The following RAP1GDS1 variants were observed in gnomAD, a reference collection of about 807,000 sequenced individuals.
RAP1GDS1 encodes the protein RAP1, GTP-GDP dissociation stimulator 1.
In RAP1GDS1, 35 loss-of-function variants were observed where a neutral mutation model predicts 71.1. The ratio of observed to expected loss-of-function variants is 0.49; its 90% CI spans 0.38 to 0.65. The LOEUF is 0.65. Among genes scored for constraint, RAP1GDS1 ranks in the 30% least tolerant of loss-of-function variants. The probability of loss-of-function intolerance (pLI) is 0.00; values close to 1 mark genes in which losing one functional copy is unlikely to be tolerated. For missense variants in RAP1GDS1, 663 were observed against 706.1 expected (o/e 0.94, Z 0.69); for synonymous variants, 229 against 243.1 (o/e 0.94, Z 0.54).
intron 1 of RAP1GDS1, among the ~76,000 whole-genome samples, chr4:98,279,236 A>G (rs972062101): frequency 6.6e-6 from 1 of 151,858 alleles, no homozygotes; most frequent in African/African-American, 2.4e-5. Context: ...AAACAAACAA[A>G]CAAACAAACA....
At chr4:98,273,417 AT>A (rs986201541) in intron 1 of RAP1GDS1, among the ~76,000 whole-genome samples, 4 of 151,950 alleles carry the variant, frequency 2.6e-5, no homozygotes, top group Non-Finnish European at 4.4e-5. Context: ...AATGTCCATC[AT>A]TTTTTTTACT....
intron 6 of RAP1GDS1, among the ~76,000 whole-genome samples, chr4:98,395,375 A>G (rs1744371482): frequency 6.6e-6 from 1 of 152,198 alleles, no homozygotes; most frequent in African/African-American, 2.4e-5. Context: ...GTATAAAAGA[A>G]GTTTTTCTTA....
chr4:98,402,257 A>C (rs1214376407), intron 6 of RAP1GDS1, among the ~76,000 whole-genome samples: 3 of 152,202 alleles, frequency 2.0e-5, no homozygotes, highest in Non-Finnish European at 2.9e-5. Context: ...TTTTTAGTAG[A>C]GACAGAGTTT....
intron 1 of RAP1GDS1, among the ~76,000 whole-genome samples, chr4:98,288,969 A>C (rs1726484028): frequency 6.6e-6 from 1 of 152,190 alleles, no homozygotes. Flanking sequence ...ATAATACAGT[A>C]GTCCCCCTTT....
rs573327479 is a variant in RAP1GDS1, at chr4:98,324,499, C to T, written c.113-18640C>T. Among the ~76,000 whole-genome samples, 79 of 147,136 alleles carry T rather than the reference C, an allele frequency of 5.4e-4. 6 individuals carry two copies. The East Asian group carries it at 8.8e-3, about 16-fold the overall frequency. ...GCCAAAAGAACAAAGCTGGAGACATCACACTACCTGACTTCAAACTATACT... is the reference window on the plus strand; with the variant it reads ...GCCAAAAGAACAAAGCTGGAGACATTACACTACCTGACTTCAAACTATACT... On this transcript the variant is annotated intron_variant, in intron 2 of 14. Transcript: ENST00000408927.
intron 1 of RAP1GDS1, 129 bp from the exon 2 acceptor site, chr4:98,293,279 G>A: frequency 6.8e-6 from 4 of 588,894 alleles, no homozygotes. Flanking sequence ...TGCCATTTTG[G>A]AATGTACGTG....
intron 7 of RAP1GDS1, among the ~76,000 whole-genome samples, chr4:98,407,874 T>A (rs1008102894): frequency 1.3e-5 from 2 of 151,986 alleles, no homozygotes; most frequent in African/African-American, 4.8e-5. Flanking sequence ...TGTAAAGAGC[T>A]GAAATAAAAT....
At chr4:98,391,887 T>C (rs948537030) in intron 5 of RAP1GDS1, 65 bp from the exon 6 acceptor site, 8 of 1,420,590 alleles carry the variant, frequency 5.6e-6, no homozygotes, top group Non-Finnish European at 6.6e-6. Flanking sequence ...TGTTTTCTTC[T>C]TATAATGTTC....
chr4:98,313,068 CAAAAAAAAAAAAA>C (rs556945198), intron 2 of RAP1GDS1, among the ~76,000 whole-genome samples: 7 of 38,178 alleles, frequency 1.8e-4, no homozygotes, highest in African/African-American at 4.0e-4. Context: ...GACTCTGTCT[CAAAAAAAAAAAAA>C]AAAAAAAAAA....
chr4:98,315,358 G>C (rs1319858869), intron 2 of RAP1GDS1, among the ~76,000 whole-genome samples: 2 of 152,088 alleles, frequency 1.3e-5, no homozygotes, highest in African/African-American at 4.8e-5. Context: ...TTCCTTGGAT[G>C]ATCTCATCCA....
rs754588502 is a variant in RAP1GDS1 at position 98,442,079 on chromosome 4, G to A, written c.1786G>A (p.Ala596Thr). 6.2e-7 allele frequency: 1 copy of A among 1,613,844 alleles called. No homozygotes were observed. Among genetic ancestry groups the A allele is most frequent in the Non-Finnish European group, 8.5e-7 (1 of 1,179,980 alleles). The change falls in exon 15 of 15, where the codon GCC becomes ACC. Residue 596 changes from alanine (A) to threonine (T), a missense_variant. Ala to Thr is a moderately conservative substitution (Grantham distance 58). Transcript: ENST00000408927. ...SHENKSVAQQ[A>T]SLTEQRLTVE... ...TGAGAACAAAAGTGTTGCCCAGCAG[G>A]CCTCTCTCACAGAGCAGAGACTTAC... is the stretch of plus-strand genomic sequence containing the variant.
At chr4:98,284,048 C>G (rs1449633103) in intron 1 of RAP1GDS1, among the ~76,000 whole-genome samples, 1 of 152,056 alleles carries the variant, frequency 6.6e-6, no homozygotes, top group East Asian at 1.9e-4. Context: ...CCTGTACTTG[C>G]AGACACACGT....
At chr4:98,370,678 C>A (rs901081948) in intron 4 of RAP1GDS1, among the ~76,000 whole-genome samples, 1 of 151,890 alleles carries the variant, frequency 6.6e-6, no homozygotes, top group Non-Finnish European at 1.5e-5. Flanking sequence ...TCAAGCGATT[C>A]TCCTGCCTCA....
intron 5 of RAP1GDS1, among the ~76,000 whole-genome samples, chr4:98,388,782 T>C (rs1017136266): frequency 1.3e-5 from 2 of 152,164 alleles, no homozygotes; most frequent in Non-Finnish European, 2.9e-5. Context: ...TAAATTTTGG[T>C]CTTATGATTT....
At chr4:98,329,158 C>A (rs1238420174) in intron 2 of RAP1GDS1, among the ~76,000 whole-genome samples, 1 of 152,116 alleles carries the variant, frequency 6.6e-6, no homozygotes, top group Non-Finnish European at 1.5e-5. Flanking sequence ...TTCAGTTAAC[C>A]ATATTGCCAT....
At position 98,389,895 on chromosome 4, in the gene RAP1GDS1, T is replaced by C. The variant is rs904004281; in HGVS notation, c.509-2057T>C. Among the ~76,000 whole-genome samples, 3 of 152,154 alleles carry C rather than the reference T, an allele frequency of 2.0e-5. No homozygotes were observed. The South Asian group carries it at 6.2e-4, about 32-fold the overall frequency. ...TATTCCTCTGATGTCCCTGGACTGT[T>C]GGATTTTTCATAGTTTGTACCAACA... On this transcript the variant is annotated intron_variant, in intron 5 of 14. Transcript: ENST00000408927.
intron 1 of RAP1GDS1, among the ~76,000 whole-genome samples, chr4:98,279,915 A>G (rs1369673372): frequency 1.3e-5 from 2 of 152,148 alleles, no homozygotes; most frequent in Middle Eastern, 3.2e-3. Flanking sequence ...AGCTTCATCC[A>G]TATCCCTGCA....
chr4:98,430,901 A>C (rs891116141), intron 12 of RAP1GDS1, among the ~76,000 whole-genome samples: 2 of 152,150 alleles, frequency 1.3e-5, no homozygotes, highest in African/African-American at 4.8e-5. Context: ...ACAAGGTTTC[A>C]TGCTGCTTAG....
At chr4:98,371,164 G>C (rs1295125358) in intron 4 of RAP1GDS1, among the ~76,000 whole-genome samples, 2 of 150,340 alleles carry the variant, frequency 1.3e-5, no homozygotes, top group Non-Finnish European at 3.0e-5. Context: ...ACAGGCTGGA[G>C]TGCAGGAGCA....
Sources: gnomAD v4.1 joint callset for allele counts (sites outside exome capture counted in the v4.1 genomes callset) on GRCh38, gnomAD v4.1.1 for gene constraint, MANE v1.5 for transcripts, NCBI Gene and HGNC (gene_info 2026-07-23, HGNC 2026-07-21) for gene names.